Variants in SLC28A1 observed in about 807,000 individuals in gnomAD.
The protein encoded by SLC28A1 is solute carrier family 28 member 1.
Under a neutral mutation model 74.8 loss-of-function variants are expected in SLC28A1, and 64 were observed. The ratio of observed to expected loss-of-function variants is 0.86; its 90% confidence interval spans 0.70 to 1.05. The LOEUF (loss-of-function observed/expected upper bound fraction) is 1.05, where lower values mean the gene tolerates loss of function less well. Among genes scored for constraint, SLC28A1 ranks in the 50% least tolerant of loss-of-function variants. The probability of loss-of-function intolerance (pLI) is 0.00; values close to 1 mark genes in which losing one functional copy is unlikely to be tolerated. For missense variants in SLC28A1, 828 were observed against 822.8 expected (o/e 1.01, Z -0.08); for synonymous variants, 359 against 335.0 (o/e 1.07, Z -0.78).
the SLC28A1 span, among the ~76,000 whole-genome samples, chr15:84,959,998 G>A: frequency 6.6e-6 from 1 of 152,056 alleles, no homozygotes; most frequent in Non-Finnish European, 1.5e-5. Context: ...TTTCAATGGG[G>A]GGAACTCTTG....
chr15:84,973,047 CTGACAAGGCCCTGCATGGT>C, the SLC28A1 span, among the ~76,000 whole-genome samples: 7,311 of 151,666 alleles, frequency 0.048, 526 homozygotes, highest in African/African-American at 0.17. Flanking sequence ...CTTGTCATGG[CTGACAAGGCCCTGCATGGT>C]CTGACTTTAT....
At chr15:84,968,117 T>C in the SLC28A1 span, among the ~76,000 whole-genome samples, 12 of 152,156 alleles carry the variant, frequency 7.9e-5, no homozygotes, top group Non-Finnish European at 1.8e-4. Flanking sequence ...GGCTGGGCTA[T>C]CTCTCCCAAA....
chr15:84,898,149 T>C (rs1966209205), intron 6 of SLC28A1, among the ~76,000 whole-genome samples: 4 of 151,476 alleles, frequency 2.6e-5, no homozygotes, highest in African/African-American at 4.8e-5. Context: ...TTTTCATATA[T>C]ACCCAGTAGT....
chr15:84,887,438 C>T (rs1964722834), intron 2 of SLC28A1: 5 of 977,144 alleles, frequency 5.1e-6, no homozygotes, highest in Non-Finnish European at 6.1e-6. Flanking sequence ...AATCCCAACA[C>T]TTTGGGAGGC....
chr15:84,900,456 A>C (rs1966558512), intron 6 of SLC28A1, among the ~76,000 whole-genome samples: 1 of 151,610 alleles, frequency 6.6e-6, no homozygotes, highest in Non-Finnish European at 1.5e-5. Flanking sequence ...TGTTAAAGGA[A>C]ATTCTTCGAA....
intron 11 of SLC28A1, among the ~76,000 whole-genome samples, chr15:84,922,503 T>A (rs1322966355): frequency 6.6e-6 from 1 of 152,200 alleles, no homozygotes; most frequent in Non-Finnish European, 1.5e-5. Context: ...GCGCTGCCTC[T>A]GTGGCCCATC....
chr15:84,964,064 G>A, the SLC28A1 span, among the ~76,000 whole-genome samples: 1 of 152,188 alleles, frequency 6.6e-6, no homozygotes, highest in Admixed American at 6.5e-5. Flanking sequence ...AGTTGAGTTA[G>A]GAGTCTGTTC....
At chr15:84,886,033 T>C in intron 1 of SLC28A1, 1 of 543,658 alleles carries the variant, frequency 1.8e-6, no homozygotes, top group Non-Finnish European at 2.4e-6. Context: ...CATTAATTAT[T>C]AAAGAGATGT....
In SLC28A1 at chr15:84,887,856, G is replaced by C. The variant is rs1486037169; in HGVS notation, c.96G>C (p.Leu32=). The change falls in exon 3 of 19, where the codon CTG becomes CTC. Residue 32 remains leucine, a splice_region_variant and synonymous_variant. Transcript: ENST00000394573. ...TGGGGGCTGATTTCTTGGAAAGCCT[G>C]GTCTGTACCCTTCCCCATCAGTCAT... ...ENMGADFLES[L]EEGQLPRSDL... 1 of 1,607,586 alleles carries C rather than the reference G, an allele frequency of 6.2e-7. No homozygotes were observed. The highest frequency in any genetic ancestry group is 1.1e-5 in the South Asian group (1 of 90,962).
chr15:84,908,795 G>T lies in SLC28A1; in HGVS notation c.795G>T (p.Gln265His), dbSNP rs529925221. ...EALVKDVFAF[Q>H]VLPIIVFFSC... ...TGGTCAAGGATGTCTTTGCCTTTCA[G>T]GTCAGCTTGACTCAGGGTCCCAGAG... Residue 265 changes from glutamine to histidine, a missense_variant and splice_region_variant, in exon 9 of 19, where the codon CAG (glutamine) becomes CAT (histidine). By Grantham distance (24) the Gln-to-His change is conservative. Coordinates refer to ENST00000394573, the MANE Select transcript of SLC28A1 (RefSeq NM_004213.5). The T allele has an allele frequency of 5.0e-6, 8 of 1,613,320 alleles. No homozygotes were observed. In the African/African-American group the frequency reaches 9.3e-5, roughly 19 times the overall value.
At position 84,916,479 on chromosome 15, in the gene SLC28A1, C is replaced by T. The variant is rs540463105; in HGVS notation, c.796-2045C>T. ...CCTAGGCTGGTCTCAAACTCCTGAG[C>T]TCAAGCAATCCTCCTGCCTCGGCCT... On this transcript the variant is annotated intron_variant, in intron 9 of 18. Transcript: ENST00000394573. Among the ~76,000 whole-genome samples, 3 of 151,982 alleles carry T rather than the reference C, an allele frequency of 2.0e-5. No individual in the cohort carries two copies. The South Asian group carries it at 6.2e-4, about 32-fold the overall frequency.
intron 11 of SLC28A1, 151 bp from the exon 12 acceptor site, chr15:84,923,834 C>T (rs1054781890): frequency 1.0e-6 from 1 of 970,090 alleles, no homozygotes; most frequent in Non-Finnish European, 1.6e-6. Flanking sequence ...TGCTGAGGTT[C>T]AGAGAAGCTC....
chr15:84,963,336 A>C, the SLC28A1 span, among the ~76,000 whole-genome samples: 1 of 152,198 alleles, frequency 6.6e-6, no homozygotes, highest in Admixed American at 6.5e-5. Flanking sequence ...TCTCCCCAGG[A>C]GTGGGCATCC....
the SLC28A1 span, among the ~76,000 whole-genome samples, chr15:84,969,529 G>GC: frequency 0.57 from 86,087 of 151,536 alleles, 24,915 homozygotes; most frequent in South Asian, 0.73. Flanking sequence ...GGAGCACCCT[G>GC]CCCCCCGACT....
At chr15:84,941,654 A>C (rs1212648535) in intron 15 of SLC28A1, among the ~76,000 whole-genome samples, 1 of 151,956 alleles carries the variant, frequency 6.6e-6, no homozygotes, top group African/African-American at 2.4e-5. Context: ...GAGGCCAAGG[A>C]GGGTGGGTCA....
chr15:84,969,103 A>T, the SLC28A1 span, among the ~76,000 whole-genome samples: 1 of 152,198 alleles, frequency 6.6e-6, no homozygotes, highest in East Asian at 1.9e-4. Context: ...TAGTAATGAT[A>T]TGACTCTGGT....
chr15:84,957,010 G>GT, the SLC28A1 span, among the ~76,000 whole-genome samples: 14 of 151,566 alleles, frequency 9.2e-5, 1 homozygote, highest in South Asian at 1.9e-3. Context: ...TTGTTTTTTT[G>GT]TTTTTGTTGC....
downstream of SLC28A1, among the ~76,000 whole-genome samples, chr15:84,948,378 G>A (rs1345222164): frequency 2.0e-5 from 3 of 152,128 alleles, no homozygotes; most frequent in East Asian, 5.8e-4. Flanking sequence ...TATACCCACT[G>A]TATGGATGGC....
the SLC28A1 span, among the ~76,000 whole-genome samples, chr15:84,964,158 T>C: frequency 1.3e-5 from 2 of 152,104 alleles, no homozygotes; most frequent in Non-Finnish European, 2.9e-5. Context: ...ATCTCATACA[T>C]GTCAGTATGC....
Sources: gnomAD v4.1 joint callset for allele counts (sites outside exome capture counted in the v4.1 genomes callset) on GRCh38, gnomAD v4.1.1 for gene constraint, MANE v1.5 for transcripts, NCBI Gene and HGNC (gene_info 2026-07-23, HGNC 2026-07-21) for gene names.